Variants in CTNNA3 observed in about 807,000 individuals in gnomAD.
CTNNA3 encodes catenin alpha 3.
In CTNNA3, 76 loss-of-function variants were observed where a neutral mutation model predicts 95.7. That is an observed-to-expected ratio of 0.79 (90% CI 0.66 to 0.96). The LOEUF (loss-of-function observed/expected upper bound fraction) is 0.96, where lower values mean the gene tolerates loss of function less well. Ranked by LOEUF, CTNNA3 falls within the 40% of genes least tolerant of loss-of-function variation. The probability of loss-of-function intolerance (pLI) is 0.00; values close to 1 mark genes in which losing one functional copy is unlikely to be tolerated. For synonymous variants in CTNNA3, 431 were observed against 374.4 expected, an observed-to-expected ratio of 1.15 and a Z score of -1.74; for missense variants, 1,191 against 1,089.8, an observed-to-expected ratio of 1.09 and a Z score of -1.31.
At chr10:66,724,728 T>C (rs1258832637) in intron 9 of CTNNA3, among the ~76,000 whole-genome samples, 1 of 152,226 alleles carries the variant, frequency 6.6e-6, no homozygotes, top group African/African-American at 2.4e-5. Flanking sequence ...TAAAATTATG[T>C]GTGAAAATCG....
intron 17 of CTNNA3, among the ~76,000 whole-genome samples, chr10:65,953,086 T>C (rs1425818959): frequency 1.3e-5 from 2 of 152,204 alleles, no homozygotes; most frequent in Admixed American, 1.3e-4. Flanking sequence ...TCCTTTTTCA[T>C]ATATACAGGC....
At chr10:67,288,433 T>C (rs543435563) in intron 5 of CTNNA3, among the ~76,000 whole-genome samples, 44 of 152,168 alleles carry the variant, frequency 2.9e-4, no homozygotes, top group Non-Finnish European at 5.6e-4. Flanking sequence ...TAAACAGAAC[T>C]TATTCAGTTT....
chr10:66,039,474 C>T (rs2079637240), intron 15 of CTNNA3, among the ~76,000 whole-genome samples: 2 of 152,170 alleles, frequency 1.3e-5, no homozygotes, highest in African/African-American at 2.4e-5. Flanking sequence ...CAACTTCAAA[C>T]TATACTATGG....
chr10:66,992,192 C>G (rs1851079584), intron 7 of CTNNA3, among the ~76,000 whole-genome samples: 1 of 152,148 alleles, frequency 6.6e-6, no homozygotes, highest in Admixed American at 6.5e-5. Context: ...TATTGTCATG[C>G]TTTAATTTTT....
chr10:66,770,256 T>C (rs1046992485), intron 8 of CTNNA3, among the ~76,000 whole-genome samples: 1 of 152,228 alleles, frequency 6.6e-6, no homozygotes, highest in Non-Finnish European at 1.5e-5. Flanking sequence ...TTTCATTAAA[T>C]TGTATAGTCA....
At position 67,613,342 on chromosome 10, in the gene CTNNA3, T is replaced by C. The variant is rs145730572; in HGVS notation, c.100-6293A>G. 3.2e-4 allele frequency among the ~76,000 whole-genome samples: 48 copies of C among 150,814 alleles called. No homozygotes were observed. The East Asian group carries it at 8.0e-3, about 25-fold the overall frequency. On this transcript the variant is annotated intron_variant, in intron 2 of 17. Transcript: ENST00000433211. Reference sequence around the variant, plus strand: ...CTGAAAACACAGAGCCAGCGTACTGTGAAAAATAAACAAACAGTGGTTTAC... The same window carrying C: ...CTGAAAACACAGAGCCAGCGTACTGCGAAAAATAAACAAACAGTGGTTTAC...
At chr10:67,343,301 G>A (rs1422081737) in intron 5 of CTNNA3, among the ~76,000 whole-genome samples, 1 of 152,122 alleles carries the variant, frequency 6.6e-6, no homozygotes, top group East Asian at 1.9e-4. Flanking sequence ...AATGTCATTG[G>A]TGTTTTAATA....
At chr10:66,633,855 A>T (rs1371442118) in intron 9 of CTNNA3, among the ~76,000 whole-genome samples, 1 of 152,098 alleles carries the variant, frequency 6.6e-6, no homozygotes, top group African/African-American at 2.4e-5. Context: ...TTTTCCAAGT[A>T]TATTTTTCAC....
intron 13 of CTNNA3, among the ~76,000 whole-genome samples, chr10:66,212,807 C>A (rs1267619254): frequency 6.6e-6 from 1 of 152,122 alleles, no homozygotes; most frequent in Non-Finnish European, 1.5e-5. Flanking sequence ...AGTTTGAGAC[C>A]AGCCTGGCCA....
intron 7 of CTNNA3, among the ~76,000 whole-genome samples, chr10:67,172,042 T>C (rs1017580408): frequency 6.6e-6 from 1 of 152,212 alleles, no homozygotes; most frequent in African/African-American, 2.4e-5. Context: ...ATATATTTCC[T>C]ACAACAAACA....
chr10:67,457,132 CACTA>C (rs1564662918), intron 5 of CTNNA3, among the ~76,000 whole-genome samples: 1 of 152,070 alleles, frequency 6.6e-6, no homozygotes, highest in African/African-American at 2.4e-5. Flanking sequence ...AGGATTTTTC[CACTA>C]ACTGTCAGCA....
intron 15 of CTNNA3, among the ~76,000 whole-genome samples, chr10:65,994,662 C>A (rs1042400596): frequency 6.6e-6 from 1 of 152,038 alleles, no homozygotes; most frequent in African/African-American, 2.4e-5. Context: ...CTATTTGGGG[C>A]TCTTTAAGCT....
At chr10:67,377,215 AT>A (rs1469865332) in intron 5 of CTNNA3, among the ~76,000 whole-genome samples, 1 of 152,240 alleles carries the variant, frequency 6.6e-6, no homozygotes, top group Non-Finnish European at 1.5e-5. Flanking sequence ...ACCTAAAAAG[AT>A]TTAACCTCTG....
Position 66,069,327 on chromosome 10 carries a change from C to G in CTNNA3, c.2140G>C (p.Glu714Gln). 6.2e-7 allele frequency: 1 copy of G among 1,613,438 alleles called. No homozygotes were observed. The highest frequency in any genetic ancestry group is 8.5e-7 in the Non-Finnish European group (1 of 1,179,614). ...LAKNMCMIMM[E>Q]MTDFTRGKGP... The stretch of plus-strand genomic sequence containing the variant: ...AATTACCTAGTGAAGTCTGTCATCT[C>G]CATCATGATCATACACATGTTCTTG... Residue 714 changes from glutamate to glutamine, a missense_variant, in exon 15 of 18, where the codon GAG (glutamate) becomes CAG (glutamine). Coordinates refer to ENST00000433211, the MANE Select transcript of CTNNA3 (RefSeq NM_013266.4).
At chr10:66,545,684 A>T (rs920563841) in intron 10 of CTNNA3, among the ~76,000 whole-genome samples, 3 of 151,912 alleles carry the variant, frequency 2.0e-5, no homozygotes, top group Non-Finnish European at 4.4e-5. Context: ...TCACATCTTC[A>T]CCACTTGATA....
chr10:67,063,234 A>C (rs1441627713), intron 7 of CTNNA3, among the ~76,000 whole-genome samples: 1 of 152,228 alleles, frequency 6.6e-6, no homozygotes. Flanking sequence ...GAAGTGCTTT[A>C]TAATAACTCT....
intron 13 of CTNNA3, among the ~76,000 whole-genome samples, chr10:66,235,970 A>G (rs2089836765): frequency 6.6e-6 from 1 of 152,142 alleles, no homozygotes; most frequent in South Asian, 2.1e-4. Flanking sequence ...CACTTTTGAC[A>G]CATCCATTTC....
rs190654543 is a variant in CTNNA3, at chr10:67,510,803, A to G, written c.579+11039T>C. ...CTTGGGCAGTATGGCCATTTTCATG[A>G]TATTGATTCTTCCTATCCATGAGCA... On this transcript the variant is annotated intron_variant, in intron 5 of 17. Coordinates refer to ENST00000433211, the MANE Select transcript of CTNNA3 (RefSeq NM_013266.4). Among the ~76,000 whole-genome samples the G allele has an allele frequency of 1.1e-4, 17 of 152,142 alleles. 1 individual carries two copies. The highest frequency in any genetic ancestry group is 4.1e-4 in the African/African-American group (17 of 41,518).
chr10:67,183,152 C>G (rs1862650207), intron 6 of CTNNA3, among the ~76,000 whole-genome samples: 1 of 152,198 alleles, frequency 6.6e-6, no homozygotes, highest in Non-Finnish European at 1.5e-5. Context: ...GGATCTAGAA[C>G]TACAAATACC....
Sources: gnomAD v4.1 joint callset for allele counts (sites outside exome capture counted in the v4.1 genomes callset) on GRCh38, gnomAD v4.1.1 for gene constraint, MANE v1.5 for transcripts, NCBI Gene and HGNC (gene_info 2026-07-23, HGNC 2026-07-21) for gene names.